The following SRFBP1 variants were observed in gnomAD, a reference collection of about 807,000 sequenced individuals.
SRFBP1 encodes the protein serum response factor-binding protein 1.
A neutral mutation model predicts 45.5 loss-of-function variants in SRFBP1; 47 were observed. The observed-to-expected ratio is 1.03, with a 90% CI of 0.82 to 1.32. The LOEUF is 1.32. Among genes scored for constraint, SRFBP1 ranks in the 40% most tolerant of loss-of-function variants. The pLI is 0.00. For missense variants in SRFBP1, 621 were observed against 484.6 expected, an observed-to-expected ratio of 1.28 and a Z score of -2.64; for synonymous variants, 203 against 166.3, an observed-to-expected ratio of 1.22 and a Z score of -1.70.
intron 2 of SRFBP1, among the ~76,000 whole-genome samples, chr5:122,071,779 G>A (rs1204673685): frequency 6.6e-6 from 1 of 152,054 alleles, no homozygotes; most frequent in Non-Finnish European, 1.5e-5. Flanking sequence ...GATCACTTTG[G>A]TCACCCAAGA....
Position 121,986,838 on chromosome 5 carries a change from G to A in SRFBP1, c.199-7761G>A, listed in dbSNP as rs113063132. ...TTTTGATTGGAAAGAAAGGGAGTGA[G>A]AAACTTTTTAGAATGACAGAATTTT... On this transcript the variant is annotated intron_variant, in intron 3 of 7. Coordinates refer to ENST00000339397, the MANE Select transcript of SRFBP1 (RefSeq NM_152546.3). Among the ~76,000 whole-genome samples, 1,016 of 152,186 alleles carry A rather than the reference G, an allele frequency of 6.7e-3. 18 individuals carry two copies. The highest frequency in any genetic ancestry group is 0.023 in the African/African-American group (974 of 41,548).
rs558625543 is a variant in SRFBP1 at position 122,028,205 on chromosome 5, A to T, written c.*1079A>T. 3.3e-5 allele frequency: 5 copies of T among 152,326 alleles called. No homozygotes were observed. The East Asian group carries it at 9.6e-4, about 29-fold the overall frequency. The allele number at this position is 152,326 out of a possible 1,614,324, so 9.4% of individuals were successfully genotyped here. A position where few individuals can be genotyped will look rare whatever the true frequency, so the allele number is the denominator to read the frequency against. On this transcript the variant is annotated 3_prime_UTR_variant, in exon 8 of 8. Transcript: ENST00000339397. Reference sequence around the variant, plus strand: ...AGTTCTTGGTAAACTGAATAATGCTAATCCATGTTTCCTGCACATTAGTTC... The same window carrying T: ...AGTTCTTGGTAAACTGAATAATGCTTATCCATGTTTCCTGCACATTAGTTC...
intron 1 of SRFBP1, 54 bp from the exon 2 acceptor site, chr5:121,974,138 AGTGT>A (rs1364443192): frequency 8.5e-7 from 1 of 1,183,318 alleles, no homozygotes; most frequent in Admixed American, 1.8e-5. Context: ...CTCAAAATAA[AGTGT>A]GTTTGTTCCT....
intron 1 of SRFBP1, among the ~76,000 whole-genome samples, chr5:121,967,528 T>A (rs906515681): frequency 6.6e-6 from 1 of 152,026 alleles, no homozygotes; most frequent in Non-Finnish European, 1.5e-5. Context: ...AAAATTAGGG[T>A]CCTCTTCATA....
downstream of SRFBP1, among the ~76,000 whole-genome samples, chr5:122,033,270 C>A (rs1339846109): frequency 2.0e-5 from 3 of 151,542 alleles, no homozygotes; most frequent in Non-Finnish European, 4.4e-5. Context: ...TTCCGTTTGT[C>A]AATTGTCTTG....
chr5:121,967,889 C>G (rs976924898), intron 1 of SRFBP1, among the ~76,000 whole-genome samples: 3 of 152,170 alleles, frequency 2.0e-5, no homozygotes, highest in Non-Finnish European at 2.9e-5. Flanking sequence ...TTACTTCAAA[C>G]GTATGGAAAA....
chr5:122,013,039 G>C (rs563664324), intron 4 of SRFBP1, among the ~76,000 whole-genome samples: 8 of 152,088 alleles, frequency 5.3e-5, no homozygotes, highest in South Asian at 4.1e-4. Flanking sequence ...TCTCATTTCT[G>C]TAATAAAGAG....
chr5:121,982,078 T>G (rs1752420208), intron 3 of SRFBP1, among the ~76,000 whole-genome samples: 1 of 151,946 alleles, frequency 6.6e-6, no homozygotes, highest in African/African-American at 2.4e-5. Flanking sequence ...TCAGAAGCTT[T>G]TCTTTTTGCT....
In SRFBP1 at chr5:122,070,149, T is replaced by A. The variant is rs1339063541; in HGVS notation, n.312-5166T>A. 6.2e-7 allele frequency: 1 copy of A among 1,611,318 alleles called. No individual in the cohort carries two copies. The highest frequency in any genetic ancestry group is 8.5e-7 in the Non-Finnish European group (1 of 1,177,698). ...GGTATAGTCAGATTCAGGAACCAGG[T>A]AGCTGGGGTTTACACTGACCTGGGC... On this transcript the variant is annotated intron_variant and non_coding_transcript_variant, in intron 2 of 2. Coordinates refer to the SRFBP1 transcript ENST00000504881.
intron 1 of SRFBP1, among the ~76,000 whole-genome samples, chr5:121,972,234 T>G (rs1008251763): frequency 1.3e-5 from 2 of 151,828 alleles, no homozygotes; most frequent in Admixed American, 1.3e-4. Flanking sequence ...CTCAGATATG[T>G]GTAGTGGTAT....
At chr5:121,971,436 A>G (rs942947936) in intron 1 of SRFBP1, among the ~76,000 whole-genome samples, 6 of 151,934 alleles carry the variant, frequency 3.9e-5, no homozygotes, top group African/African-American at 1.4e-4. Context: ...TGAAATATGA[A>G]ACCCCCCCTC....
intron 2 of SRFBP1, among the ~76,000 whole-genome samples, chr5:122,067,090 A>G (rs1754322063): frequency 6.6e-6 from 1 of 152,120 alleles, no homozygotes; most frequent in African/African-American, 2.4e-5. Context: ...GTCCACCAAG[A>G]AGTAGAGTCA....
At position 121,999,685 on chromosome 5, in the gene SRFBP1, A is replaced by G. The variant is rs116556467; in HGVS notation, c.270+5015A>G. On this transcript the variant is annotated intron_variant, in intron 4 of 7. Coordinates refer to ENST00000339397, the MANE Select transcript of SRFBP1 (RefSeq NM_152546.3). Reference sequence around the variant, plus strand: ...GGCGCTGATCCTTTATAATTATGTAATGGCCCTCCTTAACCCCGATAATAT... The same window carrying G: ...GGCGCTGATCCTTTATAATTATGTAGTGGCCCTCCTTAACCCCGATAATAT... Among the ~76,000 whole-genome samples the G allele has an allele frequency of 6.9e-3, 1,047 of 152,102 alleles. 11 individuals are homozygous for G. Among genetic ancestry groups the G allele is most frequent in the African/African-American group, 0.023 (965 of 41,534 alleles).
chr5:121,977,160 G>GTGGTTTGGTTTGGTT (rs779680089), intron 3 of SRFBP1, among the ~76,000 whole-genome samples: 1 of 151,966 alleles, frequency 6.6e-6, no homozygotes, highest in Non-Finnish European at 1.5e-5. Context: ...CATCACTATC[G>GTGGTTTGGTTTGGTT]TGGTTTGGTT....
At chr5:122,077,865 C>T (rs753665073), downstream of SRFBP1, 2 of 1,534,186 alleles carry the variant, frequency 1.3e-6, no homozygotes, top group South Asian at 1.2e-5. This position sits in a 1 kb window ranked among gnomAD's most constrained non-coding sequence, Gnocchi z 4.9. Context: ...TGGCGCCAGG[C>T]GCCCGGAGCC....
At chr5:121,992,789 C>G (rs1486620226) in intron 3 of SRFBP1, among the ~76,000 whole-genome samples, 1 of 151,998 alleles carries the variant, frequency 6.6e-6, no homozygotes, top group African/African-American at 2.4e-5. Context: ...CTAAATTATT[C>G]CCTTTAGTTT....
intron 4 of SRFBP1, among the ~76,000 whole-genome samples, chr5:122,014,410 A>G (rs939110505): frequency 6.6e-6 from 1 of 152,108 alleles, no homozygotes; most frequent in South Asian, 2.1e-4. Flanking sequence ...CTCCAATTTG[A>G]CAACTACAAT....
intron 4 of SRFBP1, among the ~76,000 whole-genome samples, chr5:121,998,910 C>G (rs1391925504): frequency 6.6e-6 from 1 of 152,088 alleles, no homozygotes; most frequent in East Asian, 1.9e-4. Context: ...TTACTAATTC[C>G]CTTTTATAAT....
chr5:122,047,128 A>G (rs531266857), intron 2 of SRFBP1, among the ~76,000 whole-genome samples: 4 of 152,198 alleles, frequency 2.6e-5, no homozygotes, highest in Non-Finnish European at 2.9e-5. Flanking sequence ...GCCCATGCCT[A>G]TGTCCTGAAT....
Sources: allele counts gnomAD v4.1 joint callset (sites outside exome capture counted in the v4.1 genomes callset), GRCh38; gene constraint gnomAD v4.1.1; non-coding constraint Gnocchi (gnomAD v3.1); transcripts MANE v1.5; gene names NCBI Gene and HGNC (gene_info 2026-07-23, HGNC 2026-07-21).